Variants in CDC73 observed in about 807,000 individuals in gnomAD.
CDC73 encodes the protein parafibromin.
A neutral mutation model predicts 83.7 loss-of-function variants in CDC73; 21 were observed. That is an observed-to-expected ratio of 0.25 (90% CI 0.18 to 0.36). CDC73 has a LOEUF of 0.36. Ranked by LOEUF, CDC73 falls within the 10% of genes least tolerant of loss-of-function variation. CDC73 has a pLI of 1.00. For missense variants in CDC73, 342 were observed against 653.3 expected, an observed-to-expected ratio of 0.52 and a Z score of 5.19; for synonymous variants, 224 against 212.9, an observed-to-expected ratio of 1.05 and a Z score of -0.45.
At chr1:193,249,447 C>A (rs1678008690) in intron 15 of CDC73, among the ~76,000 whole-genome samples, 1 of 151,786 alleles carries the variant, frequency 6.6e-6, no homozygotes, top group East Asian at 1.9e-4. Context: ...GAACTGAACC[C>A]ACAATATCTC....
intron 10 of CDC73, among the ~76,000 whole-genome samples, chr1:193,170,052 GT>G (rs530622842): frequency 1.3e-5 from 2 of 150,478 alleles, no homozygotes; most frequent in Admixed American, 6.6e-5. Context: ...TGTGGTATTT[GT>G]TTTTTTTTCC....
intron 5 of CDC73, among the ~76,000 whole-genome samples, chr1:193,136,818 T>C (rs1184664151): frequency 6.6e-6 from 1 of 152,214 alleles, no homozygotes; most frequent in Non-Finnish European, 1.5e-5. Flanking sequence ...CCTCCCGAAG[T>C]GCTGGGATTA....
At position 193,156,853 on chromosome 1, in the gene CDC73, A is replaced by C. The variant is rs1676215761; in HGVS notation, c.972+4409A>C. Among the ~76,000 whole-genome samples, 4 of 152,056 alleles carry C rather than the reference A, an allele frequency of 2.6e-5. No homozygotes were observed. In the South Asian group the frequency reaches 8.3e-4, roughly 32 times the overall value. On this transcript the variant is annotated intron_variant, in intron 10 of 16. Coordinates refer to ENST00000367435, the MANE Select transcript of CDC73 (RefSeq NM_024529.5). The stretch of plus-strand genomic sequence containing the variant: ...CCTTTAGCAAATATTTGTTGAGTGC[A>C]TGCTGTGTGCCTGGCAGTGTGCTGA...
intron 10 of CDC73, among the ~76,000 whole-genome samples, chr1:193,188,051 A>G (rs1445161650): frequency 2.6e-5 from 4 of 152,232 alleles, no homozygotes; most frequent in Non-Finnish European, 5.9e-5. Context: ...TTCCAGAAGT[A>G]CAGATGTGTT....
In CDC73 at chr1:193,203,825, C is replaced by T. The variant is rs779180488; in HGVS notation, c.1003C>T (p.Pro335Ser). Residue 335 changes from proline (P) to serine (S), a missense_variant, in exon 11 of 17, where the codon CCT becomes TCT. Pro to Ser is a moderately conservative substitution (Grantham distance 74). Transcript: ENST00000367435. The part of the protein sequence containing the change: ...EGASARKTQT[P>S]AAQPVPRPVS... ...TGCATCTGCCCGGAAGACTCAGACTCCTGCAGCCCAGCCAGTACCAAGACC... is the reference window on the plus strand; with the variant it reads ...TGCATCTGCCCGGAAGACTCAGACTTCTGCAGCCCAGCCAGTACCAAGACC... The T allele has an allele frequency of 6.2e-7, 1 of 1,613,814 alleles. No individual in the cohort carries two copies. The highest frequency in any genetic ancestry group is 1.1e-5 in the South Asian group (1 of 91,072).
chr1:193,182,999 T>G (rs1034124310), intron 10 of CDC73, among the ~76,000 whole-genome samples: 2 of 152,062 alleles, frequency 1.3e-5, no homozygotes, highest in Non-Finnish European at 2.9e-5. Context: ...CATAAATACA[T>G]GTATGTATTT....
chr1:193,187,258 CATTTATTTTTT>C (rs1330374024), intron 10 of CDC73, among the ~76,000 whole-genome samples: 1 of 151,838 alleles, frequency 6.6e-6, no homozygotes, highest in Non-Finnish European at 1.5e-5. Flanking sequence ...TTAATGTTGT[CATTTATTTTTT>C]ATTTATTTTT....
rs1168262878 is a variant in CDC73 at position 193,188,300 on chromosome 1, A to C, written c.973-15495A>C. On this transcript the variant is annotated intron_variant, in intron 10 of 16. Coordinates refer to ENST00000367435, the MANE Select transcript of CDC73 (RefSeq NM_024529.5). ...AAATGTCAGATAAATACTGATAAGA[A>C]TAGAGGCCAAGCTGGGAATTGAAGC... Among the ~76,000 whole-genome samples the C allele has an allele frequency of 2.6e-5, 4 of 152,188 alleles. No homozygotes were observed. The East Asian group carries it at 7.7e-4, about 29-fold the overall frequency.
chr1:193,248,963 T>C (rs980224438), intron 15 of CDC73, among the ~76,000 whole-genome samples: 2 of 152,048 alleles, frequency 1.3e-5, no homozygotes, highest in Non-Finnish European at 2.9e-5. Flanking sequence ...GACATAAATA[T>C]AGTAAAGCGG....
chr1:193,197,438 CACAG>C (rs879514914), intron 10 of CDC73, among the ~76,000 whole-genome samples: 1 of 151,486 alleles, frequency 6.6e-6, no homozygotes, highest in African/African-American at 2.5e-5. Flanking sequence ...GCTGAAAATA[CACAG>C]ACAGAAACAC....
chr1:193,236,962 T>TTTTTTTTTTTTTG (rs1377068359), intron 15 of CDC73: 1 of 150,930 alleles, frequency 6.6e-6, no homozygotes, highest in African/African-American at 2.4e-5. Flanking sequence ...TTTTTTTTTT[T>TTTTTTTTTTTTTG]AGACGGAGTC....
chr1:193,231,659 T>C (rs578171765), intron 13 of CDC73, among the ~76,000 whole-genome samples: 1 of 152,282 alleles, frequency 6.6e-6, no homozygotes, highest in Admixed American at 6.5e-5. Context: ...CTTAACTTTT[T>C]AACCAAATGT....
At chr1:193,129,483 AAG>A (rs1446515576) in intron 2 of CDC73, among the ~76,000 whole-genome samples, 2 of 68,654 alleles carry the variant, frequency 2.9e-5, no homozygotes, top group Non-Finnish European at 3.3e-5. Flanking sequence ...GAATTTCAAA[AAG>A]AAATTTATTT....
At position 193,152,413 on chromosome 1, in the gene CDC73, C is replaced by G; in HGVS notation, c.941C>G (p.Thr314Ser). ...TEGFKIDTMGTYHGMTLKSVT... is the reference protein window; with the variant it reads ...TEGFKIDTMGSYHGMTLKSVT... ...GGCTTCAAAATTGACACTATGGGAA[C>G]CTACCATGGTATGACACTGAAATCT... The change falls in exon 10 of 17, where the codon ACC (threonine) becomes AGC (serine). Residue 314 changes from threonine to serine, a missense_variant. Thr to Ser is a moderately conservative substitution (Grantham distance 58, BLOSUM62 1). Transcript: ENST00000367435. The G allele has an allele frequency of 6.2e-7, 1 of 1,611,698 alleles. No individual in the cohort carries two copies. Among genetic ancestry groups the G allele is most frequent in the South Asian group, 1.1e-5 (1 of 91,010 alleles).
rs1325048946 is a variant in CDC73 at position 193,233,032 on chromosome 1, A to G, written c.1194A>G (p.Gln398=). Residue 398 remains glutamine, a synonymous_variant, in exon 14 of 17, where the codon CAA becomes CAG. Transcript: ENST00000367435. The stretch of plus-strand genomic sequence containing the variant: ...ATGAAAAGAAGAAACAAGGTTGTCA[A>G]CGAGAAAATGAAACTCTAATACAAA... The part of the protein sequence containing the change: ...PSDEKKKQGC[Q]RENETLIQRR... The G allele has an allele frequency of 3.7e-6, 6 of 1,613,860 alleles. No homozygotes were observed. The East Asian group carries it at 1.1e-4, about 30-fold the overall frequency.
At chr1:193,174,496 A>G (rs1292428903) in intron 10 of CDC73, among the ~76,000 whole-genome samples, 1 of 152,148 alleles carries the variant, frequency 6.6e-6, no homozygotes, top group Admixed American at 6.5e-5. Context: ...AGCCTATGTT[A>G]TACATTATAT....
chr1:193,224,464 TACG>T, intron 13 of CDC73, among the ~76,000 whole-genome samples: 1 of 151,874 alleles, frequency 6.6e-6, no homozygotes, highest in South Asian at 2.1e-4. Flanking sequence ...CATATGCACA[TACG>T]AAATTTATGC....
At chr1:193,238,621 A>G (rs539698711) in intron 15 of CDC73, among the ~76,000 whole-genome samples, 8 of 152,318 alleles carry the variant, frequency 5.3e-5, no homozygotes, top group African/African-American at 1.9e-4. Flanking sequence ...ATAACTTTTG[A>G]CTTATCCCAA....
rs1228003651 is a variant in CDC73, at chr1:193,253,275, T to G, written c.*2563T>G. On this transcript the variant is annotated 3_prime_UTR_variant, in exon 17 of 17. Coordinates refer to ENST00000367435, the MANE Select transcript of CDC73 (RefSeq NM_024529.5). ...CAAGACCTGGTCATCAGTATTTTTT[T>G]TAAAGTTCTCCAGGTAATTTGAATG... is the stretch of plus-strand genomic sequence containing the variant. 4.3e-6 allele frequency: 1 copy of G among 232,396 alleles called. No homozygotes were observed. Among genetic ancestry groups the G allele is most frequent in the Non-Finnish European group, 8.5e-6 (1 of 117,584 alleles). The allele number at this position is 232,396 out of a possible 1,614,324, so 14.4% of individuals were successfully genotyped here.
Sources: allele counts gnomAD v4.1 joint callset (sites outside exome capture counted in the v4.1 genomes callset), GRCh38; gene constraint gnomAD v4.1.1; transcripts MANE v1.5; gene names NCBI Gene and HGNC (gene_info 2026-07-23, HGNC 2026-07-21).